Variants in PHF2 observed in about 807,000 individuals in gnomAD.
The protein encoded by PHF2 is lysine-specific demethylase PHF2.
Under a neutral mutation model 120.5 loss-of-function variants are expected in PHF2, and 27 were observed. That is an observed-to-expected ratio of 0.22 (90% CI 0.17 to 0.31). The LOEUF is 0.31. PHF2 is among the 10% of genes least tolerant of loss of function. The probability of loss-of-function intolerance (pLI) is 1.00; values close to 1 mark genes in which losing one functional copy is unlikely to be tolerated. For missense variants in PHF2, 1,024 were observed against 1,434.8 expected (o/e 0.71, Z 4.63); for synonymous variants, 568 against 592.5 (o/e 0.96, Z 0.60).
At position 93,676,662 on chromosome 9, in the gene PHF2, C is replaced by G; in HGVS notation, c.2901C>G (p.Ser967=). 6.3e-7 allele frequency: 1 copy of G among 1,596,314 alleles called. No individual in the cohort carries two copies. Among genetic ancestry groups the G allele is most frequent in the Non-Finnish European group, 8.5e-7 (1 of 1,171,154 alleles). ...TGACTCCTAACACCACCTCCCCTTC[C>G]ACCTCCACCTCCATCTCTGCCGGCA... is the stretch of plus-strand genomic sequence containing the variant. ...RKLTPNTTSP[S]TSTSISAGTT... is the part of the protein sequence containing the mutation. The change falls in exon 21 of 22, where the codon TCC becomes TCG. Residue 967 remains serine, a synonymous_variant. Transcript: ENST00000359246.
Position 93,649,231 on chromosome 9 carries a change from G to C in PHF2, c.602+19G>C, listed in dbSNP as rs981821822. The C allele has an allele frequency of 1.3e-6, 2 of 1,548,780 alleles. No homozygotes were observed. The highest frequency in any genetic ancestry group is 1.7e-6 in the Non-Finnish European group (2 of 1,145,694). ...ACACCCGGTGAGTGCTACCACCCTG[G>C]GGGTGTGGGGGCTGGGGTTGGGGCA... On this transcript the variant is annotated intron_variant, in intron 5 of 21. Coordinates refer to ENST00000359246, the MANE Select transcript of PHF2 (RefSeq NM_005392.4).
At chr9:93,663,737 T>TAC in intron 14 of PHF2, 102 bp downstream of exon 14, 2 of 678,100 alleles carry the variant, frequency 2.9e-6, no homozygotes, top group East Asian at 2.5e-5. Flanking sequence ...ACACACACAT[T>TAC]ACACACACAC....
At chr9:93,632,326 ATG>A (rs1252022991) in intron 2 of PHF2, among the ~76,000 whole-genome samples, 1 of 152,076 alleles carries the variant, frequency 6.6e-6, no homozygotes, top group African/African-American at 2.4e-5. Flanking sequence ...GGCTGTACAC[ATG>A]TGTGTGTGCA....
chr9:93,651,399 G>A (rs7864397), intron 5 of PHF2, among the ~76,000 whole-genome samples: 54,834 of 152,040 alleles, frequency 0.36, 10,250 homozygotes, highest in Non-Finnish European at 0.4. Flanking sequence ...GGCCCAGTCC[G>A]TGGATCATTA....
chr9:93,596,019 C>T (rs10821168), intron 1 of PHF2, among the ~76,000 whole-genome samples: 48,170 of 152,024 alleles, frequency 0.32, 8,038 homozygotes, highest in Non-Finnish European at 0.37. Context: ...GGCTTACCCA[C>T]GGTCTGTCCT....
chr9:93,672,092 G>A (rs564575981), intron 17 of PHF2, among the ~76,000 whole-genome samples: 27 of 132,112 alleles, frequency 2.0e-4, no homozygotes, highest in African/African-American at 7.8e-4. Flanking sequence ...AGGTGTGGGT[G>A]TGGATGTAGG....
At chr9:93,606,491 T>C (rs562877315) in intron 1 of PHF2, among the ~76,000 whole-genome samples, 9 of 152,382 alleles carry the variant, frequency 5.9e-5, no homozygotes, top group African/African-American at 1.9e-4. Flanking sequence ...CATGTACTTA[T>C]TTGCTATCCG....
chr9:93,593,105 A>ATG (rs762205352), intron 1 of PHF2, among the ~76,000 whole-genome samples: 1 of 122,716 alleles, frequency 8.1e-6, no homozygotes, highest in African/African-American at 3.3e-5. Context: ...AAAAAAAAAA[A>ATG]AAAAAAGAAA....
intron 17 of PHF2, 65 bp downstream of exon 17, chr9:93,667,305 C>T (rs1826701488): frequency 6.5e-7 from 1 of 1,546,684 alleles, no homozygotes; most frequent in Non-Finnish European, 8.7e-7. Context: ...TGGCCCTCGG[C>T]CATGATGGTG....
intron 18 of PHF2, 37 bp downstream of exon 18, chr9:93,673,899 C>T (rs760036413): frequency 5.2e-6 from 8 of 1,537,798 alleles, no homozygotes; most frequent in Non-Finnish European, 7.1e-6. Flanking sequence ...GGCCCATGCT[C>T]AGCCCTAGAA....
intron 1 of PHF2, among the ~76,000 whole-genome samples, chr9:93,620,718 T>G (rs1215132105): frequency 6.6e-6 from 1 of 152,264 alleles, no homozygotes; most frequent in Non-Finnish European, 1.5e-5. Flanking sequence ...TTACCTAGTC[T>G]CCTTCAGATT....
chr9:93,637,260 G>A (rs1322938703), intron 3 of PHF2, among the ~76,000 whole-genome samples: 1 of 152,076 alleles, frequency 6.6e-6, no homozygotes, highest in East Asian at 1.9e-4. Flanking sequence ...CCCTTCTCTG[G>A]GTAAGGTGTT....
intron 5 of PHF2, among the ~76,000 whole-genome samples, chr9:93,652,747 T>A (rs911275774): frequency 5.9e-5 from 9 of 152,228 alleles, no homozygotes; most frequent in Non-Finnish European, 1.3e-4. Context: ...GGCACCCTGT[T>A]GTCAGCTCTG....
chr9:93,650,252 C>T (rs752631020), intron 5 of PHF2, among the ~76,000 whole-genome samples: 2 of 152,004 alleles, frequency 1.3e-5, no homozygotes, highest in Non-Finnish European at 2.9e-5. Context: ...TTCATGGACA[C>T]ACTTGTGGGC....
intron 1 of PHF2, among the ~76,000 whole-genome samples, chr9:93,607,314 C>G (rs1825558689): frequency 6.6e-6 from 1 of 152,086 alleles, no homozygotes; most frequent in Non-Finnish European, 1.5e-5. Flanking sequence ...CTCTGTCACC[C>G]AGGCTGGAGT....
At chr9:93,645,576 C>T (rs575673342) in intron 3 of PHF2, 53 bp from the exon 4 acceptor site, 1,234 of 1,497,930 alleles carry the variant, frequency 8.2e-4, no homozygotes, top group Non-Finnish European at 9.4e-4. Context: ...ACACCTGTCC[C>T]GGTGCAGGAG....
At chr9:93,593,959 A>G (rs1300591575) in intron 1 of PHF2, among the ~76,000 whole-genome samples, 1 of 152,240 alleles carries the variant, frequency 6.6e-6, no homozygotes, top group East Asian at 1.9e-4. Context: ...ATAATCAGAT[A>G]TAAAGTAAGC....
At chr9:93,623,935 C>T (rs1455713271) in intron 1 of PHF2, among the ~76,000 whole-genome samples, 1 of 152,252 alleles carries the variant, frequency 6.6e-6, no homozygotes, top group African/African-American at 2.4e-5. Context: ...ATACACTGGG[C>T]ACTAGCAGTA....
chr9:93,663,375 G>A (rs993037055), intron 13 of PHF2, 142 bp from the exon 14 acceptor site: 1 of 681,492 alleles, frequency 1.5e-6, no homozygotes, highest in Admixed American at 2.4e-5. Context: ...GCACCCCGCA[G>A]TGGCCCGGGT....
Sources: allele counts gnomAD v4.1 joint callset (sites outside exome capture counted in the v4.1 genomes callset), GRCh38; gene constraint gnomAD v4.1.1; transcripts MANE v1.5; gene names NCBI Gene and HGNC (gene_info 2026-07-23, HGNC 2026-07-21).